The following CDON variants were observed in gnomAD, a reference collection of about 807,000 sequenced individuals.
CDON encodes cell adhesion molecule-related/down-regulated by oncogenes.
In CDON, 73 loss-of-function variants were observed where a neutral mutation model predicts 120.9. The ratio of observed to expected loss-of-function variants is 0.60; its 90% confidence interval spans 0.50 to 0.73. The LOEUF is 0.73. CDON is among the 30% of genes least tolerant of loss of function. CDON has a pLI of 0.00. For synonymous variants in CDON, 566 were observed against 573.5 expected, an observed-to-expected ratio of 0.99 and a Z score of 0.19; for missense variants, 1,470 against 1,587.3, an observed-to-expected ratio of 0.93 and a Z score of 1.26.
intron 10 of CDON, among the ~76,000 whole-genome samples, chr11:126,002,131 A>C (rs370947296): frequency 3.3e-5 from 5 of 152,210 alleles, no homozygotes; most frequent in Non-Finnish European, 7.3e-5. Context: ...CCAAATGACT[A>C]AGTGTTCAAA....
chr11:126,004,446 A>G (rs542256011), intron 9 of CDON: 128 of 266,126 alleles, frequency 4.8e-4, no homozygotes, highest in Non-Finnish European at 7.9e-4. Context: ...TGGTAATTAT[A>G]TAATACACAT....
In CDON at chr11:125,981,186, A is replaced by T; in HGVS notation, c.3139T>A (p.Ser1047Thr). The T allele has an allele frequency of 6.2e-7, 1 of 1,614,176 alleles. No homozygotes were observed. The highest frequency in any genetic ancestry group is 8.5e-7 in the Non-Finnish European group (1 of 1,180,018). ...TTGGGGACCTTATGGTGAAGGTGGG[A>T]ATAGCCACTGCTGAGACCGCCATTG... ...LTNGGLSSGY[S>T]HLHHKVPNAV... Residue 1047 changes from serine to threonine, a missense_variant, in exon 17 of 20, where the codon TCC becomes ACC. Transcript: ENST00000531738.
intron 11 of CDON, among the ~76,000 whole-genome samples, chr11:125,998,000 C>G (rs759844065): frequency 6.6e-6 from 1 of 152,036 alleles, no homozygotes; most frequent in Non-Finnish European, 1.5e-5. Context: ...AGGATGAATA[C>G]GGGAAGACAG....
At position 126,017,342 on chromosome 11, in the gene CDON, G is replaced by T; in HGVS notation, c.674C>A (p.Pro225His). 1.2e-6 allele frequency: 2 copies of T among 1,614,116 alleles called. No individual in the cohort carries two copies. The highest frequency in any genetic ancestry group is 1.7e-6 in the Non-Finnish European group (2 of 1,179,990). ...PSSDDVHILH[P>H]THSQALAVLS... The stretch of plus-strand genomic sequence containing the variant: ...AACAGCTAATGCCTGTGAATGGGTG[G>T]GGTGAAGAATGTGAACATCATCTGA... Residue 225 changes from proline to histidine, a missense_variant, in exon 6 of 20, where the codon CCC becomes CAC. Transcript: ENST00000531738.
chr11:126,057,396 T>C (rs950602116), intron 1 of CDON, among the ~76,000 whole-genome samples: 4 of 152,204 alleles, frequency 2.6e-5, no homozygotes, highest in Non-Finnish European at 5.9e-5. Context: ...CTCACAGGCT[T>C]ATGTCTATTA....
rs781486713 is a variant in CDON, at chr11:126,005,829, T to C, written c.1781A>G (p.Tyr594Cys). ...CTTGCCTGCCCTCCACACCAGGTTG[T>C]ACGTGTCTGGTGTGTGGGTCTGTGG... ...SPPQTHTPDT[Y>C]NLVWRAGKDG... The change falls in exon 9 of 20, where the codon TAC becomes TGC. Residue 594 changes from tyrosine (Y) to cysteine (C), a missense_variant. Coordinates refer to ENST00000531738, the MANE Select transcript of CDON (RefSeq NM_001378964.1). 7 of 1,614,056 alleles carry C rather than the reference T, an allele frequency of 4.3e-6. No homozygotes were observed. The highest frequency in any genetic ancestry group is 5.9e-6 in the Non-Finnish European group (7 of 1,179,924).
At chr11:126,006,153 G>T in intron 8 of CDON, 96 bp from the exon 9 acceptor site, 1 of 1,138,344 alleles carries the variant, frequency 8.8e-7, no homozygotes, top group Non-Finnish European at 1.3e-6. Context: ...TGTATTGTTA[G>T]CACAATTTGA....
chr11:126,044,571 A>G (rs1948354052), intron 1 of CDON, among the ~76,000 whole-genome samples: 1 of 152,254 alleles, frequency 6.6e-6, no homozygotes, highest in Admixed American at 6.5e-5. Context: ...AAAGAATGAA[A>G]TCTTGTCATT....
At chr11:126,054,299 T>C (rs1157067925) in intron 1 of CDON, among the ~76,000 whole-genome samples, 2 of 152,300 alleles carry the variant, frequency 1.3e-5, no homozygotes, top group South Asian at 2.1e-4. Flanking sequence ...AGACAAAACA[T>C]GACATCAGCT....
chr11:125,993,395 GCACACACACACA>G (rs72031190), intron 14 of CDON, among the ~76,000 whole-genome samples: 4 of 150,894 alleles, frequency 2.7e-5, no homozygotes, highest in Non-Finnish European at 4.4e-5. Flanking sequence ...GCGCGTGCGT[GCACACACACACA>G]CACACACACA....
chr11:125,981,970 C>CTTTTTTTTTTTTTT lies in CDON; in HGVS notation c.2996-655_2996-642dup, dbSNP rs61446837. Among the ~76,000 whole-genome samples the CTTTTTTTTTTTTTT allele has an allele frequency of 2.1e-3, 115 of 54,290 alleles. 30 individuals carry two copies. The highest frequency in any genetic ancestry group is 6.4e-3 in the African/African-American group (80 of 12,432). 35.6% of individuals were successfully genotyped at this position (54,290 alleles called of 152,430 possible). A position where few individuals can be genotyped will look rare whatever the true frequency, so the allele number is the denominator to read the frequency against. ...CAAAGGCAAAAAGTGATTCTATTTT[C>CTTTTTTTTTTTTTT]TTTTTTTTTTTTTTTTTTTTTTTTT... On this transcript the variant is annotated intron_variant, in intron 16 of 19. Coordinates refer to ENST00000531738, the MANE Select transcript of CDON (RefSeq NM_001378964.1).
At chr11:125,966,416 G>A (rs1336326920) in intron 18 of CDON, among the ~76,000 whole-genome samples, 1 of 152,122 alleles carries the variant, frequency 6.6e-6, no homozygotes, top group Non-Finnish European at 1.5e-5. Context: ...TGCTGACCAC[G>A]AAGCACATCA....
intron 1 of CDON, among the ~76,000 whole-genome samples, chr11:126,037,569 G>A (rs751358675): frequency 1.6e-4 from 25 of 152,136 alleles, no homozygotes. Flanking sequence ...TAAAATAACA[G>A]AGACCTTGAC....
intron 16 of CDON, 114 bp from the exon 17 acceptor site, chr11:125,981,443 C>A: frequency 9.1e-7 from 1 of 1,094,814 alleles, no homozygotes. Context: ...CACACGCACA[C>A]AGTAAGACAC....
chr11:126,023,268 G>A, intron 2 of CDON, 133 bp downstream of exon 2: 3 of 786,152 alleles, frequency 3.8e-6, no homozygotes, highest in East Asian at 2.4e-5. Context: ...TTTAAATCAT[G>A]TAGTTGGTCA....
At chr11:126,006,142 T>C in intron 8 of CDON, 85 bp from the exon 9 acceptor site, 1 of 1,243,942 alleles carries the variant, frequency 8.0e-7, no homozygotes, top group Non-Finnish European at 1.2e-6. Flanking sequence ...CTGCCCTCAC[T>C]TGTATTGTTA....
intron 11 of CDON, among the ~76,000 whole-genome samples, chr11:126,000,678 G>A (rs1325308243): frequency 6.6e-6 from 1 of 152,094 alleles, no homozygotes; most frequent in African/African-American, 2.4e-5. Context: ...TCTGCTTAAG[G>A]TAGCTGAAAC....
intron 18 of CDON, among the ~76,000 whole-genome samples, chr11:125,971,173 G>C (rs1271416272): frequency 1.3e-5 from 2 of 152,072 alleles, no homozygotes; most frequent in African/African-American, 4.8e-5. Flanking sequence ...CACGAGGTCA[G>C]GAGACCAAGA....
upstream of CDON, among the ~76,000 whole-genome samples, chr11:126,062,982 G>T (rs1230155580): frequency 2.0e-5 from 3 of 151,770 alleles, no homozygotes; most frequent in Admixed American, 2.0e-4. Flanking sequence ...ACCGGGGAAT[G>T]ACTGACGGAG....
Sources: gnomAD v4.1 joint callset for allele counts (sites outside exome capture counted in the v4.1 genomes callset) on GRCh38, gnomAD v4.1.1 for gene constraint, MANE v1.5 for transcripts, NCBI Gene and HGNC (gene_info 2026-07-23, HGNC 2026-07-21) for gene names.